Variants in MACROD1 observed in about 807,000 individuals in gnomAD.
MACROD1 encodes ADP-ribose glycohydrolase MACROD1.
Under a neutral mutation model 41.4 loss-of-function variants are expected in MACROD1, and 31 were observed. That is an observed-to-expected ratio of 0.75 (90% confidence interval 0.56 to 1.01). The LOEUF (loss-of-function observed/expected upper bound fraction) is 1.01, where lower values mean the gene tolerates loss of function less well. Among genes scored for constraint, MACROD1 ranks in the 50% least tolerant of loss-of-function variants. The probability of loss-of-function intolerance (pLI) is 0.00; values close to 1 mark genes in which losing one functional copy is unlikely to be tolerated. For missense variants in MACROD1, 473 were observed against 460.0 expected (o/e 1.03, Z -0.26); for synonymous variants, 252 against 203.4 (o/e 1.24, Z -2.03).
intron 4 of MACROD1, 71 bp downstream of exon 4, chr11:64,015,181 G>A: frequency 6.8e-7 from 1 of 1,464,364 alleles, no homozygotes; most frequent in Non-Finnish European, 9.2e-7. Context: ...GAGGGCGAGG[G>A]GCAGGGGAGG....
At chr11:64,073,176 C>T (rs1427613445) in intron 3 of MACROD1, among the ~76,000 whole-genome samples, 5 of 152,222 alleles carry the variant, frequency 3.3e-5, no homozygotes, top group Non-Finnish European at 7.3e-5. Context: ...GCACAGACTC[C>T]CAGGGCTGCC....
chr11:64,061,836 C>T (rs1565214863), intron 3 of MACROD1, among the ~76,000 whole-genome samples: 1 of 151,474 alleles, frequency 6.6e-6, no homozygotes, highest in Non-Finnish European at 1.5e-5. Flanking sequence ...CTCAGCCTCC[C>T]AAGTAGCGGG....
chr11:64,118,927 T>G (rs1305700815), intron 3 of MACROD1: 1 of 155,182 alleles, frequency 6.4e-6, no homozygotes, highest in Non-Finnish European at 1.5e-5. Flanking sequence ...TGTAGTCGAT[T>G]AAAAAAAAAA....
intron 3 of MACROD1, among the ~76,000 whole-genome samples, chr11:64,130,304 C>G (rs960955506): frequency 6.6e-6 from 1 of 152,212 alleles, no homozygotes; most frequent in Non-Finnish European, 1.5e-5. Flanking sequence ...TTGTCAGACT[C>G]AGGACTAAAA....
At chr11:64,046,980 C>T (rs1339313128) in intron 3 of MACROD1, among the ~76,000 whole-genome samples, 1 of 152,234 alleles carries the variant, frequency 6.6e-6, no homozygotes, top group Non-Finnish European at 1.5e-5. Flanking sequence ...CCAGCGCCCT[C>T]AGCCTGGCAT....
chr11:64,105,624 C>A (rs1288545251), intron 3 of MACROD1, among the ~76,000 whole-genome samples: 1 of 152,192 alleles, frequency 6.6e-6, no homozygotes, highest in Non-Finnish European at 1.5e-5. Flanking sequence ...ACCCCACAGG[C>A]ATGAGTGACC....
intron 3 of MACROD1, among the ~76,000 whole-genome samples, chr11:64,137,584 G>A (rs1353692180): frequency 6.6e-6 from 1 of 152,162 alleles, no homozygotes. Flanking sequence ...CTAGTTTTGA[G>A]GTGTCATCTG....
chr11:64,001,429 AG>A, intron 4 of MACROD1: 2 of 702,404 alleles, frequency 2.8e-6, no homozygotes, highest in Middle Eastern at 2.3e-4. Flanking sequence ...GGGCATCAAG[AG>A]AGGACCATCA....
At chr11:64,148,529 A>G (rs988845119) in intron 3 of MACROD1, among the ~76,000 whole-genome samples, 1 of 152,074 alleles carries the variant, frequency 6.6e-6, no homozygotes, top group African/African-American at 2.4e-5. Context: ...AAATTTAAAA[A>G]TCCCCACCCC....
intron 4 of MACROD1, among the ~76,000 whole-genome samples, chr11:64,004,037 C>T (rs192279404): frequency 1.2e-4 from 19 of 152,362 alleles, no homozygotes; most frequent in Admixed American, 9.8e-4. Context: ...TGCCTGCCCT[C>T]GCCTGAGCCC....
At chr11:64,081,629 CTG>C (rs150434372) in intron 3 of MACROD1, 63,072 of 152,024 alleles carry the variant, frequency 0.41, 15,308 homozygotes, top group Non-Finnish European at 0.55. Flanking sequence ...GGGGACCACT[CTG>C]GGTGTAGACT....
At chr11:64,076,488 G>A (rs1049672508) in intron 3 of MACROD1, among the ~76,000 whole-genome samples, 5 of 152,266 alleles carry the variant, frequency 3.3e-5, no homozygotes, top group Admixed American at 6.5e-5. Flanking sequence ...ATGGATGGAC[G>A]GATGATGTCT....
At chr11:64,022,237 G>A (rs1943167121) in intron 3 of MACROD1, among the ~76,000 whole-genome samples, 1 of 152,098 alleles carries the variant, frequency 6.6e-6, no homozygotes, top group African/African-American at 2.4e-5. Context: ...GCAGTGGCAG[G>A]AGGGGCCTCC....
chr11:64,083,602 C>T (rs748894751), intron 3 of MACROD1, among the ~76,000 whole-genome samples: 30 of 152,252 alleles, frequency 2.0e-4, no homozygotes, highest in South Asian at 4.1e-4. Context: ...GAGAACGAGC[C>T]GGGAATAAAT....
At chr11:64,154,561 G>A (rs1945637568) in intron 1 of MACROD1, among the ~76,000 whole-genome samples, 1 of 152,096 alleles carries the variant, frequency 6.6e-6, no homozygotes, top group Non-Finnish European at 1.5e-5. Flanking sequence ...GTTCAAAACT[G>A]CATTCAAACG....
At position 64,071,472 on chromosome 11, in the gene MACROD1, C is replaced by A. The variant is rs116934404; in HGVS notation, c.518-56191G>T. ...GGCCAGGGCTGGGGCTGGGCTGAGGCCAAGGAGAGCATTGTCCCCTTGGCC... is the reference window on the plus strand; with the variant it reads ...GGCCAGGGCTGGGGCTGGGCTGAGGACAAGGAGAGCATTGTCCCCTTGGCC... On this transcript the variant is annotated intron_variant, in intron 3 of 10. Transcript: ENST00000255681. Among the ~76,000 whole-genome samples, 1,222 of 152,302 alleles carry A rather than the reference C, an allele frequency of 8.0e-3. 4 individuals carry two copies. Among genetic ancestry groups the A allele is most frequent in the Non-Finnish European group, 0.013 (872 of 68,010 alleles).
chr11:64,066,480 G>T (rs1222026054), intron 3 of MACROD1, among the ~76,000 whole-genome samples: 3 of 151,000 alleles, frequency 2.0e-5, no homozygotes, highest in African/African-American at 7.3e-5. Flanking sequence ...TTAGCGGAGT[G>T]TGGTGGCATG....
At chr11:64,027,037 C>T (rs993647241) in intron 3 of MACROD1, among the ~76,000 whole-genome samples, 1 of 152,230 alleles carries the variant, frequency 6.6e-6, no homozygotes, top group African/African-American at 2.4e-5. Flanking sequence ...GGGAGACGAC[C>T]TCATTTGCTT....
At chr11:64,021,932 C>CGGGG (rs1943158671) in intron 3 of MACROD1, among the ~76,000 whole-genome samples, 8 of 5,074 alleles carry the variant, frequency 1.6e-3, no homozygotes, top group African/African-American at 4.0e-3. Flanking sequence ...TGGCAGGGGG[C>CGGGG]CGGGGGGGGG....
Sources: gnomAD v4.1 joint callset for allele counts (sites outside exome capture counted in the v4.1 genomes callset) on GRCh38, gnomAD v4.1.1 for gene constraint, MANE v1.5 for transcripts, NCBI Gene and HGNC (gene_info 2026-07-23, HGNC 2026-07-21) for gene names.